AMZ2: variants seen among roughly 807,000 people sequenced by gnomAD.
AMZ2 encodes the protein archaemetzincin-2.
Under a neutral mutation model 36.7 loss-of-function variants are expected in AMZ2, and 26 were observed. The ratio of observed to expected loss-of-function variants is 0.71; its 90% CI spans 0.52 to 0.98. AMZ2 has a LOEUF of 0.98. Among genes scored for constraint, AMZ2 ranks in the 50% least tolerant of loss-of-function variants. AMZ2 has a pLI of 0.00. For synonymous variants in AMZ2, 144 were observed against 149.1 expected (o/e 0.97, Z 0.25); for missense variants, 394 against 430.5 (o/e 0.92, Z 0.75).
upstream of AMZ2, among the ~76,000 whole-genome samples, chr17:68,245,973 G>A (rs1246249020): frequency 6.6e-6 from 1 of 152,094 alleles, no homozygotes; most frequent in African/African-American, 2.4e-5. Context: ...AACAGGCACA[G>A]TATCCAAAGG....
At chr17:68,245,968 GCA>G (rs1476520333), upstream of AMZ2, among the ~76,000 whole-genome samples, 1 of 152,050 alleles carries the variant, frequency 6.6e-6, no homozygotes, top group Non-Finnish European at 1.5e-5. Flanking sequence ...TCAAAAACAG[GCA>G]CAGTATCCAA....
chr17:68,226,589 C>T (rs1335068439), intron 1 of AMZ2, among the ~76,000 whole-genome samples: 1 of 152,238 alleles, frequency 6.6e-6, no homozygotes. Flanking sequence ...AGTGTCCTCC[C>T]CTGATCTCCA....
rs144391975 is a variant in AMZ2 at position 68,250,931 on chromosome 17, G to C, written c.421G>C (p.Val141Leu). 8 of 1,611,190 alleles carry C rather than the reference G, an allele frequency of 5.0e-6. No homozygotes were observed. The African/African-American group carries it at 6.7e-5, about 13-fold the overall frequency. Residue 141 changes from valine (V) to leucine (L), a missense_variant, in exon 3 of 7, where the codon GTC becomes CTC. Val to Leu is a conservative substitution (Grantham distance 32). Transcript: ENST00000359904. ...PVSVTRCSFR[V>L]NENTHNLQIH... Reference sequence around the variant, plus strand: ...TTCTGTAACAAGATGTTCCTTTAGAGTCAATGAGAACACACACAACCTACA... The same window carrying C: ...TTCTGTAACAAGATGTTCCTTTAGACTCAATGAGAACACACACAACCTACA...
chr17:68,254,555 T>A lies in AMZ2; in HGVS notation c.738T>A (p.Leu246=). 3 of 1,611,446 alleles carry A rather than the reference T, an allele frequency of 1.9e-6. No individual in the cohort carries two copies. Among genetic ancestry groups the A allele is most frequent in the Non-Finnish European group, 2.5e-6 (3 of 1,178,460 alleles). ...CAGAAATAACTAGTGTTTTACTACT[T>A]CGATCCTGTAAGGTAAGTTATTACA... is the stretch of plus-strand genomic sequence containing the variant. ...YIPEITSVLL[L]RSCKTLTHEI... is the part of the protein sequence containing the mutation. The change falls in exon 5 of 7, where the codon CTT becomes CTA. Residue 246 remains leucine, a synonymous_variant. Coordinates refer to ENST00000359904, the MANE Select transcript of AMZ2 (RefSeq NM_016627.5).
intron 1 of AMZ2, among the ~76,000 whole-genome samples, chr17:68,227,076 G>C (rs3865244): frequency 0.35 from 52,828 of 150,334 alleles, 10,379 homozygotes; most frequent in African/African-American, 0.54. Flanking sequence ...TACCAGAACT[G>C]GAACCCTTGT....
At chr17:68,238,720 G>T (rs1555733401) in intron 1 of AMZ2, among the ~76,000 whole-genome samples, 1 of 152,136 alleles carries the variant, frequency 6.6e-6, no homozygotes, top group East Asian at 1.9e-4. Flanking sequence ...ACTGCTTTGC[G>T]ATTTGTAGCA....
intron 1 of AMZ2, among the ~76,000 whole-genome samples, chr17:68,209,630 A>ATTTTTTTTTT (rs1339157573): frequency 4.2e-4 from 41 of 98,440 alleles, no homozygotes; most frequent in African/African-American, 1.9e-3. Context: ...ATATATATAT[A>ATTTTTTTTTT]TATTTTTTTT....
chr17:68,239,374 A>C (rs1414230502), intron 1 of AMZ2, among the ~76,000 whole-genome samples: 1 of 152,124 alleles, frequency 6.6e-6, no homozygotes, highest in Non-Finnish European at 1.5e-5. Context: ...CTTCCTGACC[A>C]ATCAGACTTC....
At chr17:68,234,787 G>GAA (rs1304840493) in intron 1 of AMZ2, among the ~76,000 whole-genome samples, 1 of 112,852 alleles carries the variant, frequency 8.9e-6, no homozygotes, top group Non-Finnish European at 1.9e-5. Context: ...TCAAAAAAAA[G>GAA]AAAAAAAAAA....
At chr17:68,220,944 G>A (rs1227324696) in intron 1 of AMZ2, among the ~76,000 whole-genome samples, 1 of 151,626 alleles carries the variant, frequency 6.6e-6, no homozygotes, top group Non-Finnish European at 1.5e-5. Flanking sequence ...CTCCACGCCC[G>A]GCTAATTTTT....
rs1287639500 is a variant in AMZ2, at chr17:68,209,296, C to T, written c.-67+3058C>T. ...GCAACCTCCACCTCCTGTGCTTAAGCGATTCTCCTGCCTCAGCCTCCCCAG... is the reference window on the plus strand; with the variant it reads ...GCAACCTCCACCTCCTGTGCTTAAGTGATTCTCCTGCCTCAGCCTCCCCAG... On this transcript the variant is annotated intron_variant, in intron 1 of 7. Transcript: ENST00000674770. Among the ~76,000 whole-genome samples the T allele has an allele frequency of 6.6e-5, 10 of 151,242 alleles. 1 individual carries two copies. The highest frequency in any genetic ancestry group is 3.9e-4 in the East Asian group (2 of 5,142).
At chr17:68,233,172 G>A (rs566835875) in intron 1 of AMZ2, among the ~76,000 whole-genome samples, 1 of 152,298 alleles carries the variant, frequency 6.6e-6, no homozygotes, top group South Asian at 2.1e-4. Context: ...GACCATTAGG[G>A]TCATCAACTA....
At chr17:68,241,294 TAA>T (rs1402314936) in intron 1 of AMZ2, among the ~76,000 whole-genome samples, 2 of 152,006 alleles carry the variant, frequency 1.3e-5, no homozygotes, top group African/African-American at 2.4e-5. Flanking sequence ...TAGGCAAAAA[TAA>T]AGAGGTTCTA....
chr17:68,243,563 A>G (rs2073946176), upstream of AMZ2, among the ~76,000 whole-genome samples: 1 of 152,218 alleles, frequency 6.6e-6, no homozygotes, highest in African/African-American at 2.4e-5. Flanking sequence ...TCTAATTTTC[A>G]TAATTATAAA....
intron 1 of AMZ2, among the ~76,000 whole-genome samples, chr17:68,225,475 T>C (rs2073491295): frequency 6.6e-6 from 1 of 152,196 alleles, no homozygotes; most frequent in Non-Finnish European, 1.5e-5. Context: ...ATTTTTACTA[T>C]AGGAAAACAC....
At chr17:68,241,224 C>A (rs1274737921) in intron 1 of AMZ2, among the ~76,000 whole-genome samples, 2 of 152,218 alleles carry the variant, frequency 1.3e-5, no homozygotes, top group East Asian at 3.9e-4. Flanking sequence ...AAATGAGGCA[C>A]ATGCATATTA....
intron 1 of AMZ2, among the ~76,000 whole-genome samples, chr17:68,229,824 C>T (rs560966973): frequency 3.9e-5 from 6 of 152,268 alleles, no homozygotes; most frequent in South Asian, 2.1e-4. Flanking sequence ...CTCCGGAGTC[C>T]GGAGGATGGC....
intron 1 of AMZ2, among the ~76,000 whole-genome samples, chr17:68,229,340 C>T (rs1555730669): frequency 6.6e-6 from 1 of 152,170 alleles, no homozygotes; most frequent in Non-Finnish European, 1.5e-5. Flanking sequence ...CCCACACCCA[C>T]CCAGGATCCA....
chr17:68,256,844 T>A lies in AMZ2; in HGVS notation c.958T>A (p.Ser320Thr). The A allele has an allele frequency of 1.2e-6, 2 of 1,613,852 alleles. No individual in the cohort carries two copies. Among genetic ancestry groups the A allele is most frequent in the Non-Finnish European group, 1.7e-6 (2 of 1,179,938 alleles). ...GGTGAGGTGGATTGATGATGAATCT[T>A]CTGACACACCTGGAGCAACTCCAGA... The part of the protein sequence containing the change: ...ALVRWIDDES[S>T]DTPGATPEHS... Residue 320 changes from serine (S) to threonine (T), a missense_variant, in exon 7 of 7, where the codon TCT becomes ACT. Transcript: ENST00000359904.
Sources: gnomAD v4.1 joint callset for allele counts (sites outside exome capture counted in the v4.1 genomes callset) on GRCh38, gnomAD v4.1.1 for gene constraint, MANE v1.5 for transcripts, NCBI Gene and HGNC (gene_info 2026-07-23, HGNC 2026-07-21) for gene names.